WDR27: variants seen among roughly 807,000 people sequenced by gnomAD.
WDR27 encodes the protein WD repeat-containing protein 27.
In WDR27, 100 loss-of-function variants were observed where a neutral mutation model predicts 114.4. The observed-to-expected ratio is 0.87, with a 90% CI of 0.74 to 1.03. The LOEUF is 1.03. WDR27 is among the 50% of genes least tolerant of loss of function. WDR27 has a pLI of 0.00. For missense variants in WDR27, 1,129 were observed against 1,092.9 expected, an observed-to-expected ratio of 1.03 and a Z score of -0.47; for synonymous variants, 449 against 423.1, an observed-to-expected ratio of 1.06 and a Z score of -0.75.
chr6:169,607,780 TA>T lies in WDR27; in HGVS notation c.2322-5460del, dbSNP rs571872055. Among the ~76,000 whole-genome samples the T allele has an allele frequency of 5.7e-4, 86 of 152,148 alleles. 4 individuals are homozygous for T. In the South Asian group the frequency reaches 0.017, roughly 31 times the overall value. On this transcript the variant is annotated intron_variant, in intron 22 of 25. Transcript: ENST00000448612. The stretch of plus-strand genomic sequence containing the variant: ...CTTGCACCTCCTAAATATATACAAA[TA>T]AAAAATAAATAAGCAATAATCACTA...
At chr6:169,578,474 T>C (rs886885410) in intron 24 of WDR27, among the ~76,000 whole-genome samples, 2 of 152,192 alleles carry the variant, frequency 1.3e-5, no homozygotes, top group African/African-American at 4.8e-5. Flanking sequence ...AAAATAAATA[T>C]TTAAATACGA....
At chr6:169,685,321 A>G (rs773994048) in intron 2 of WDR27, among the ~76,000 whole-genome samples, 1 of 152,168 alleles carries the variant, frequency 6.6e-6, no homozygotes, top group Non-Finnish European at 1.5e-5. Flanking sequence ...CTCCAAAGGA[A>G]AACAACAATT....
the WDR27 span, among the ~76,000 whole-genome samples, chr6:169,445,969 G>A: frequency 6.6e-6 from 1 of 152,268 alleles, no homozygotes; most frequent in African/African-American, 2.4e-5. Context: ...CCCAGCCTGT[G>A]ATTTGTGTTT....
the WDR27 span, among the ~76,000 whole-genome samples, chr6:169,428,778 G>T: frequency 6.6e-6 from 1 of 152,236 alleles, no homozygotes; most frequent in East Asian, 1.9e-4. Flanking sequence ...GTGAGCCCTT[G>T]CCTTCACAGA....
intron 22 of WDR27, among the ~76,000 whole-genome samples, chr6:169,609,683 C>T (rs1038907149): frequency 5.9e-5 from 9 of 152,228 alleles, no homozygotes; most frequent in African/African-American, 2.2e-4. Context: ...GGACCTCTGA[C>T]GTGTCCTGAA....
chr6:169,507,999 CA>C (rs1411225759), intron 25 of WDR27, among the ~76,000 whole-genome samples: 1 of 152,158 alleles, frequency 6.6e-6, no homozygotes, highest in African/African-American at 2.4e-5. Context: ...CCCATCATGT[CA>C]AAACACGAAG....
chr6:169,483,265 G>A (rs979117075), intron 25 of WDR27, among the ~76,000 whole-genome samples: 1 of 151,982 alleles, frequency 6.6e-6, no homozygotes, highest in Admixed American at 6.6e-5. Flanking sequence ...GAAAAAATTA[G>A]TAAGAGACTG....
Position 169,586,847 on chromosome 6 carries a change from C to CAAAAAAAAAAAAAAAAAAA in WDR27, c.2425-3932_2425-3914dup, listed in dbSNP as rs3029697. 3.4e-4 allele frequency among the ~76,000 whole-genome samples: 11 copies of CAAAAAAAAAAAAAAAAAAA among 32,056 alleles called. 5 individuals are homozygous for CAAAAAAAAAAAAAAAAAAA. The highest frequency in any genetic ancestry group is 6.1e-4 in the Non-Finnish European group (11 of 17,964). 21.0% of individuals were successfully genotyped at this position (32,056 alleles called of 152,430 possible). On this transcript the variant is annotated intron_variant, in intron 23 of 25. Coordinates refer to ENST00000448612, the MANE Select transcript of WDR27 (RefSeq NM_182552.5). ...CTGGCGACACAGCTAGACTCTGTCT[C>CAAAAAAAAAAAAAAAAAAA]AAAAAAAAAAAAAAAAAAAAAAAAA...
At chr6:169,478,895 A>G (rs575292112) in intron 25 of WDR27, among the ~76,000 whole-genome samples, 1 of 152,340 alleles carries the variant, frequency 6.6e-6, no homozygotes, top group South Asian at 2.1e-4. Context: ...CTTTCACCAT[A>G]TATGTAAATT....
intron 23 of WDR27, among the ~76,000 whole-genome samples, chr6:169,588,132 A>G (rs1805013180): frequency 6.6e-6 from 1 of 152,220 alleles, no homozygotes; most frequent in Non-Finnish European, 1.5e-5. Context: ...AGAGGCGATG[A>G]GCATCACACA....
intron 2 of WDR27, among the ~76,000 whole-genome samples, chr6:169,673,511 C>T (rs1050766763): frequency 2.3e-4 from 35 of 151,622 alleles, no homozygotes; most frequent in African/African-American, 7.3e-4. Context: ...GCAACTAGGT[C>T]GTTGAAGAAT....
At position 169,638,581 on chromosome 6, in the gene WDR27, C is replaced by T. The variant is rs746342933; in HGVS notation, c.1827G>A (p.Leu609=). The T allele has an allele frequency of 7.4e-6, 12 of 1,610,756 alleles. No individual in the cohort carries two copies. The highest frequency in any genetic ancestry group is 2.2e-5 in the East Asian group (1 of 44,728). Residue 609 remains leucine (L), a synonymous_variant, in exon 18 of 26, where the codon CTG becomes CTA. Coordinates refer to ENST00000448612, the MANE Select transcript of WDR27 (RefSeq NM_182552.5). ...WLLSAARDGT[L]RMWSARGAEL... is the part of the protein sequence containing the mutation. ...CTGCCCCACGAGCCGACCACATTCGCAGGGTCCCGTCCCGGGCCGCAGAGA... is the reference window on the plus strand; with the variant it reads ...CTGCCCCACGAGCCGACCACATTCGTAGGGTCCCGTCCCGGGCCGCAGAGA...
At chr6:169,482,298 CT>C (rs1788273503) in intron 25 of WDR27, among the ~76,000 whole-genome samples, 1 of 152,124 alleles carries the variant, frequency 6.6e-6, no homozygotes, top group African/African-American at 2.4e-5. Flanking sequence ...ATTTATATTC[CT>C]TTGGGTATAT....
chr6:169,546,191 GT>G (rs1797440635), intron 25 of WDR27, among the ~76,000 whole-genome samples: 1 of 152,300 alleles, frequency 6.6e-6, no homozygotes, highest in African/African-American at 2.4e-5. Flanking sequence ...ATGTAAGAGG[GT>G]ATGGTCACTC....
chr6:169,700,188 T>C (rs1333424292), intron 1 of WDR27, among the ~76,000 whole-genome samples: 1 of 152,192 alleles, frequency 6.6e-6, no homozygotes, highest in Non-Finnish European at 1.5e-5. Context: ...GGAGAGCAAC[T>C]AGTTTGTCTT....
chr6:169,465,258 C>CAAA (rs56688798), intron 25 of WDR27, among the ~76,000 whole-genome samples: 21 of 101,138 alleles, frequency 2.1e-4, no homozygotes, highest in African/African-American at 5.8e-4. Flanking sequence ...AACTCCATCT[C>CAAA]AAAAAAAAAA....
intron 2 of WDR27, among the ~76,000 whole-genome samples, chr6:169,681,380 G>T (rs1451157686): frequency 6.6e-6 from 1 of 152,202 alleles, no homozygotes; most frequent in African/African-American, 2.4e-5. Context: ...CTCTCTACAA[G>T]AGCCTCAGAA....
intron 21 of WDR27, among the ~76,000 whole-genome samples, chr6:169,628,090 C>A (rs1007092167): frequency 1.3e-5 from 2 of 152,042 alleles, no homozygotes; most frequent in Non-Finnish European, 2.9e-5. Context: ...AGAGGTGGGG[C>A]CCTTGAGAAG....
Position 169,633,012 on chromosome 6 carries a change from C to A in WDR27, c.2158G>T (p.Gly720Cys), listed in dbSNP as rs200076349. Reference sequence around the variant, plus strand: ...TCCGCTATCACCGCTGCACTGCAGCCGGCGTTGAGGTCAAACACTTCCACG... The same window carrying A: ...TCCGCTATCACCGCTGCACTGCAGCAGGCGTTGAGGTCAAACACTTCCACG... ...RTVEVFDLNA[G>C]CSAAVIAEAH... The change falls in exon 21 of 26, where the codon GGC becomes TGC. Residue 720 changes from glycine (G) to cysteine (C), a missense_variant. Coordinates refer to ENST00000448612, the MANE Select transcript of WDR27 (RefSeq NM_182552.5). 2.2e-5 allele frequency: 35 copies of A among 1,598,684 alleles called. No homozygotes were observed. In the East Asian group the frequency reaches 7.0e-4, roughly 32 times the overall value.
Sources: gnomAD v4.1 joint callset for allele counts (sites outside exome capture counted in the v4.1 genomes callset) on GRCh38, gnomAD v4.1.1 for gene constraint, MANE v1.5 for transcripts, NCBI Gene and HGNC (gene_info 2026-07-23, HGNC 2026-07-21) for gene names.